The following GABRB3 variants were observed in gnomAD, a reference collection of about 807,000 sequenced individuals.
GABRB3 encodes gamma-aminobutyric acid receptor subunit beta-3.
In GABRB3, 14 loss-of-function variants were observed where a neutral mutation model predicts 52.1. The ratio of observed to expected loss-of-function variants is 0.27; its 90% CI spans 0.18 to 0.42. The LOEUF (loss-of-function observed/expected upper bound fraction) is 0.42. GABRB3 is among the 10% of genes least tolerant of loss of function. The pLI, the probability that GABRB3 is intolerant of heterozygous loss-of-function variation, is 1.00. For missense variants in GABRB3, 307 were observed against 609.1 expected (o/e 0.50, Z 5.22); for synonymous variants, 260 against 232.3 (o/e 1.12, Z -1.08).
At chr15:26,734,228 T>C (rs1890008324) in intron 3 of GABRB3, among the ~76,000 whole-genome samples, 1 of 151,802 alleles carries the variant, frequency 6.6e-6, no homozygotes, top group African/African-American at 2.4e-5. Flanking sequence ...ATGGGGTTTC[T>C]TCACGTTGGT....
At chr15:26,728,439 T>C (rs1889827962) in intron 3 of GABRB3, among the ~76,000 whole-genome samples, 1 of 151,884 alleles carries the variant, frequency 6.6e-6, no homozygotes, top group South Asian at 2.1e-4. Flanking sequence ...CGTGCTGGAG[T>C]GGAGGCAGTG....
chr15:26,670,430 G>A (rs1470150877), intron 3 of GABRB3, among the ~76,000 whole-genome samples: 2 of 152,178 alleles, frequency 1.3e-5, no homozygotes, highest in Non-Finnish European at 2.9e-5. Context: ...GGCTGCGGAG[G>A]GGCGCGGGAG....
At chr15:26,578,126 A>T (rs577640953) in intron 6 of GABRB3, among the ~76,000 whole-genome samples, 1 of 152,330 alleles carries the variant, frequency 6.6e-6, no homozygotes, top group Non-Finnish European at 1.5e-5. Flanking sequence ...CAGGCTAGAA[A>T]GTCCTTCAAT....
chr15:26,579,632 A>G (rs1483721098), intron 6 of GABRB3, among the ~76,000 whole-genome samples: 5 of 152,214 alleles, frequency 3.3e-5, no homozygotes, highest in African/African-American at 1.2e-4. Context: ...AAGCACTTTC[A>G]TTTATTATAC....
intron 4 of GABRB3, among the ~76,000 whole-genome samples, chr15:26,585,390 G>GAGCA (rs1890942579): frequency 1.3e-5 from 2 of 152,160 alleles, no homozygotes; most frequent in Non-Finnish European, 1.5e-5. Context: ...TGCAGGTAAT[G>GAGCA]AGCAAGCCCG....
chr15:26,611,194 T>C (rs1015186425), intron 4 of GABRB3, among the ~76,000 whole-genome samples: 6 of 152,170 alleles, frequency 3.9e-5, no homozygotes, highest in Non-Finnish European at 7.4e-5. Context: ...GATAAACTCT[T>C]TAAAAAATGA....
intron 4 of GABRB3, among the ~76,000 whole-genome samples, chr15:26,595,687 C>T (rs558582392): frequency 6.6e-6 from 1 of 152,242 alleles, no homozygotes; most frequent in East Asian, 1.9e-4. Context: ...GGTAATCTGC[C>T]ATTCTGACTT....
At chr15:26,628,876 T>C in intron 3 of GABRB3, 1 of 1,225,250 alleles carries the variant, frequency 8.2e-7, no homozygotes, top group South Asian at 1.3e-5. Context: ...AAACGGAGGC[T>C]CTCAGGCCTT....
chr15:26,549,965 G>GT (rs1412440128), intron 8 of GABRB3: 1 of 152,212 alleles, frequency 6.6e-6, no homozygotes, highest in East Asian at 1.9e-4. Context: ...ACATCAGGCA[G>GT]TGAGCCCATT....
chr15:26,617,444 C>G lies in GABRB3; in HGVS notation c.461+3870G>C, dbSNP rs1166140463. On this transcript the variant is annotated intron_variant, in intron 4 of 8. Transcript: ENST00000311550. ...GATTATCTCAATAGATGCAGAAAAG[C>G]CCTTTGACAAAATTCAACAATGCTT... Among the ~76,000 whole-genome samples the G allele has an allele frequency of 6.6e-5, 10 of 152,188 alleles. No individual in the cohort carries two copies. In the South Asian group the frequency reaches 1.7e-3, roughly 25 times the overall value.
chr15:26,599,381 A>G (rs777688280), intron 4 of GABRB3, among the ~76,000 whole-genome samples: 1 of 152,194 alleles, frequency 6.6e-6, no homozygotes, highest in East Asian at 1.9e-4. Flanking sequence ...CACCCATCCT[A>G]AACAGTGACC....
At chr15:26,652,674 C>T (rs1887234220) in intron 3 of GABRB3, among the ~76,000 whole-genome samples, 1 of 152,066 alleles carries the variant, frequency 6.6e-6, no homozygotes, top group Non-Finnish European at 1.5e-5. Flanking sequence ...TAGATGAAAC[C>T]CTTAATCCTT....
chr15:26,656,921 A>G (rs1261786523), intron 3 of GABRB3: 1 of 152,240 alleles, frequency 6.6e-6, no homozygotes, highest in Non-Finnish European at 1.5e-5. Flanking sequence ...TTTCAAATAG[A>G]GACTGAAACA....
intron 3 of GABRB3, among the ~76,000 whole-genome samples, chr15:26,671,243 T>G (rs769854122): frequency 4.6e-5 from 7 of 152,214 alleles, no homozygotes; most frequent in Non-Finnish European, 8.8e-5. Flanking sequence ...TTAAAATTTT[T>G]TCCATGATAA....
chr15:26,741,042 ATAAGTGTGTG>A (rs1382159412), intron 3 of GABRB3, among the ~76,000 whole-genome samples: 13,491 of 138,304 alleles, frequency 0.098, 705 homozygotes, highest in Middle Eastern at 0.19. Context: ...CGAGGGAGGA[ATAAGTGTGTG>A]TGTGTGTGTG....
At chr15:26,665,115 T>C (rs1388536155) in intron 3 of GABRB3, among the ~76,000 whole-genome samples, 7 of 152,232 alleles carry the variant, frequency 4.6e-5, no homozygotes. Context: ...AATTAAAGTA[T>C]TTAAAATGTT....
intron 4 of GABRB3, among the ~76,000 whole-genome samples, chr15:26,607,023 A>G (rs1891863374): frequency 6.6e-6 from 1 of 152,134 alleles, no homozygotes; most frequent in Non-Finnish European, 1.5e-5. Context: ...TCAACCACTC[A>G]AAGACTACTG....
chr15:26,753,772 C>G (rs28463220), intron 3 of GABRB3, among the ~76,000 whole-genome samples: 12,637 of 152,148 alleles, frequency 0.083, 728 homozygotes, highest in East Asian at 0.28. Flanking sequence ...GCCGAATATA[C>G]AGGGTGGGTA....
chr15:26,731,686 G>T (rs1349668484), intron 3 of GABRB3, among the ~76,000 whole-genome samples: 1 of 152,168 alleles, frequency 6.6e-6, no homozygotes, highest in Non-Finnish European at 1.5e-5. Context: ...ATGTAATGTT[G>T]CACACACTGA....
Sources: gnomAD v4.1 joint callset for allele counts (sites outside exome capture counted in the v4.1 genomes callset) on GRCh38, gnomAD v4.1.1 for gene constraint, MANE v1.5 for transcripts, NCBI Gene and HGNC (gene_info 2026-07-23, HGNC 2026-07-21) for gene names.